SLC27A6: variants seen among roughly 807,000 people sequenced by gnomAD.
The protein encoded by SLC27A6 is solute carrier family 27 member 6.
SLC27A6 carries 74 observed loss-of-function variants against 63.9 expected under a neutral mutation model. The observed-to-expected ratio is 1.16, with a 90% CI of 0.96 to 1.40. The LOEUF is 1.40. Ranked by LOEUF, SLC27A6 falls within the 40% of genes most tolerant of loss-of-function variation. The pLI is 0.00. For synonymous variants in SLC27A6, 287 were observed against 260.8 expected, an observed-to-expected ratio of 1.10 and a Z score of -0.97; for missense variants, 794 against 732.9, an observed-to-expected ratio of 1.08 and a Z score of -0.96.
intron 5 of SLC27A6, among the ~76,000 whole-genome samples, chr5:129,019,682 G>GA (rs1056808969): frequency 4.0e-5 from 6 of 151,492 alleles, no homozygotes; most frequent in Non-Finnish European, 8.9e-5. Flanking sequence ...AAAAATAGAG[G>GA]AAAAAATGTA....
rs780847021 is a variant in SLC27A6 at position 128,988,720 on chromosome 5, C to G, written c.806C>G (p.Ser269Ter). The change falls in exon 3 of 10, where the codon TCA (serine) becomes TGA (stop). Residue 269 changes from serine to a stop codon, truncating the protein, a stop_gained. Coordinates refer to ENST00000262462, the MANE Select transcript of SLC27A6 (RefSeq NM_001017372.3). LOFTEE classifies it high-confidence loss of function. ...VYITLPLYHS[S>*]AAILGISGCV... ...ATAACCCTTCCTCTGTATCATAGTT[C>G]AGCAGCTATCCTGGGAATTTCTGGA... is the stretch of plus-strand genomic sequence containing the variant. 4 of 1,613,240 alleles carry G rather than the reference C, an allele frequency of 2.5e-6. No homozygotes were observed. Among genetic ancestry groups the G allele is most frequent in the African/African-American group, 1.3e-5 (1 of 74,880 alleles).
At chr5:128,989,423 T>C (rs1157512893) in intron 3 of SLC27A6, among the ~76,000 whole-genome samples, 2 of 152,210 alleles carry the variant, frequency 1.3e-5, no homozygotes, top group Admixed American at 6.5e-5. Flanking sequence ...GATCATTTGC[T>C]ACTTGTATTT....
At chr5:128,970,896 G>C (rs1276381029) in intron 1 of SLC27A6, among the ~76,000 whole-genome samples, 1 of 151,980 alleles carries the variant, frequency 6.6e-6, no homozygotes, top group African/African-American at 2.4e-5. Flanking sequence ...TGGGCATTTA[G>C]TGCTATAAAT....
intron 5 of SLC27A6, among the ~76,000 whole-genome samples, chr5:129,017,107 C>A (rs1751922497): frequency 6.6e-6 from 1 of 152,126 alleles, no homozygotes; most frequent in South Asian, 2.1e-4. Context: ...CACTAATCGA[C>A]ATATGAAAGA....
At chr5:129,011,984 T>C (rs1471101635) in intron 4 of SLC27A6, among the ~76,000 whole-genome samples, 1 of 151,988 alleles carries the variant, frequency 6.6e-6, no homozygotes, top group Non-Finnish European at 1.5e-5. Context: ...GATATATCTA[T>C]ATATGGTTAC....
intron 1 of SLC27A6, among the ~76,000 whole-genome samples, chr5:128,973,067 GA>G (rs1246089747): frequency 6.6e-6 from 1 of 152,196 alleles, no homozygotes; most frequent in Non-Finnish European, 1.5e-5. Context: ...GTCCACTCCA[GA>G]CCCCGTTTGC....
intron 5 of SLC27A6, 110 bp from the exon 6 acceptor site, chr5:129,023,510 T>G (rs1752139258): frequency 3.3e-6 from 2 of 608,576 alleles, no homozygotes; most frequent in Non-Finnish European, 5.5e-6. Context: ...TTCCAATTAT[T>G]TATTTCAATT....
intron 5 of SLC27A6, among the ~76,000 whole-genome samples, chr5:129,017,192 G>A (rs1317067779): frequency 6.6e-6 from 1 of 152,092 alleles, no homozygotes; most frequent in Non-Finnish European, 1.5e-5. Context: ...TACTGGGCCA[G>A]TTAGGTAATT....
At chr5:128,992,659 A>G (rs1353652541) in intron 4 of SLC27A6, among the ~76,000 whole-genome samples, 1 of 152,228 alleles carries the variant, frequency 6.6e-6, no homozygotes, top group Admixed American at 6.5e-5. Context: ...CTTAATCTAA[A>G]GAACCCCAAT....
chr5:128,987,509 A>G (rs559398681), intron 2 of SLC27A6, among the ~76,000 whole-genome samples: 3 of 152,218 alleles, frequency 2.0e-5, no homozygotes, highest in African/African-American at 7.2e-5. Context: ...GAAAGATAAA[A>G]AGGATGTTGG....
chr5:129,031,292 A>C (rs1752406774), intron 9 of SLC27A6, among the ~76,000 whole-genome samples: 1 of 152,034 alleles, frequency 6.6e-6, no homozygotes, highest in South Asian at 2.1e-4. Flanking sequence ...ATGATCTCAT[A>C]AAAGAAATGC....
rs1366490556 is a variant in SLC27A6 at position 129,018,368 on chromosome 5, A to G, written c.1164+2289A>G. Among the ~76,000 whole-genome samples the G allele has an allele frequency of 3.3e-5, 5 of 152,086 alleles. No homozygotes were observed. In the East Asian group the frequency reaches 7.7e-4, roughly 23 times the overall value. ...CAGTATCTGGAAGTAATCGGCAGAC[A>G]TGTGTTTTTCATGCCACAGCAGCTC... On this transcript the variant is annotated intron_variant, in intron 5 of 9. Transcript: ENST00000262462.
chr5:129,001,057 C>CT (rs780159105), intron 4 of SLC27A6, among the ~76,000 whole-genome samples: 1 of 152,136 alleles, frequency 6.6e-6, no homozygotes, highest in African/African-American at 2.4e-5. Context: ...GCCTTAAAAT[C>CT]TTTGTTAAAC....
chr5:129,008,618 G>A (rs1751624978), intron 4 of SLC27A6, among the ~76,000 whole-genome samples: 1 of 152,190 alleles, frequency 6.6e-6, no homozygotes, highest in Non-Finnish European at 1.5e-5. Context: ...GAAAATCCAA[G>A]AGCTAGTTCC....
At chr5:129,015,813 T>G in intron 4 of SLC27A6, 72 bp from the exon 5 acceptor site, 1 of 1,099,488 alleles carries the variant, frequency 9.1e-7, no homozygotes, top group South Asian at 1.5e-5. Flanking sequence ...TATGATATTT[T>G]TCATTTAAAT....
intron 4 of SLC27A6, among the ~76,000 whole-genome samples, chr5:129,014,326 G>C (rs1423739151): frequency 6.6e-6 from 1 of 152,196 alleles, no homozygotes; most frequent in East Asian, 1.9e-4. Context: ...GTTTTATTGG[G>C]AAAATGAACA....
intron 4 of SLC27A6, 42 bp downstream of exon 4, chr5:128,990,506 T>G (rs1249840424): frequency 6.4e-7 from 1 of 1,564,034 alleles, no homozygotes; most frequent in East Asian, 2.3e-5. Flanking sequence ...TCAGAAAGAA[T>G]AAGTATTGAG....
At chr5:128,983,179 A>G (rs1750650287) in intron 1 of SLC27A6, among the ~76,000 whole-genome samples, 1 of 152,024 alleles carries the variant, frequency 6.6e-6, no homozygotes, top group South Asian at 2.1e-4. Context: ...AAAGCAGAAT[A>G]TATCTTGTGA....
At chr5:128,992,296 A>G (rs1014023770) in intron 4 of SLC27A6, among the ~76,000 whole-genome samples, 2 of 151,926 alleles carry the variant, frequency 1.3e-5, no homozygotes, top group Non-Finnish European at 2.9e-5. Context: ...CCATCATCAC[A>G]TCTGCTTAAG....
Sources: gnomAD v4.1 joint callset for allele counts (sites outside exome capture counted in the v4.1 genomes callset) on GRCh38, gnomAD v4.1.1 for gene constraint, MANE v1.5 for transcripts, NCBI Gene and HGNC (gene_info 2026-07-23, HGNC 2026-07-21) for gene names.